The following DCC variants were observed in gnomAD, a reference collection of about 807,000 sequenced individuals.
The protein encoded by DCC is DCC netrin 1 receptor, also known as netrin receptor DCC.
A neutral mutation model predicts 172.5 loss-of-function variants in DCC; 58 were observed. That is an observed-to-expected ratio of 0.34 (90% confidence interval 0.27 to 0.42). The LOEUF (loss-of-function observed/expected upper bound fraction) is 0.42, where lower values mean the gene tolerates loss of function less well. Among genes scored for constraint, DCC ranks in the 10% least tolerant of loss-of-function variants. The pLI is 1.00. For synonymous variants in DCC, 709 were observed against 644.5 expected (o/e 1.10, Z -1.52); for missense variants, 1,740 against 1,791.0 (o/e 0.97, Z 0.51).
intron 10 of DCC, among the ~76,000 whole-genome samples, chr18:53,206,383 A>G (rs1363806808): frequency 6.3e-5 from 3 of 47,670 alleles, no homozygotes; most frequent in Non-Finnish European, 1.6e-4. Flanking sequence ...ACATATATGT[A>G]TATATGTATA....
intron 1 of DCC, among the ~76,000 whole-genome samples, chr18:52,599,129 G>T (rs1415182480): frequency 2.0e-5 from 3 of 152,140 alleles, no homozygotes; most frequent in Non-Finnish European, 2.9e-5. Flanking sequence ...GGTGATTAGG[G>T]CATTAGAGGA....
chr18:52,564,676 G>C lies in DCC; in HGVS notation c.92-187378G>C, dbSNP rs968054422. ...TCTTTTATTATAATATTGGGGGGGG[G>C]GGTGTTAAAATGCCTCTTTCAGCAC... On this transcript the variant is annotated intron_variant, in intron 1 of 28. Transcript: ENST00000442544. 7.9e-5 allele frequency among the ~76,000 whole-genome samples: 11 copies of C among 139,956 alleles called. No homozygotes were observed. In the South Asian group the frequency reaches 1.7e-3, roughly 21 times the overall value. The allele number at this position is 139,956 out of a possible 152,430, so 91.8% of individuals were successfully genotyped here.
intron 18 of DCC, among the ~76,000 whole-genome samples, chr18:53,402,389 C>CAA (rs201731473): frequency 8.3e-5 from 11 of 133,160 alleles, no homozygotes; most frequent in Non-Finnish European, 1.5e-4. Context: ...GACCCTGTCT[C>CAA]AAAAAAAAAA....
chr18:52,679,933 C>T (rs1429897588), intron 1 of DCC, among the ~76,000 whole-genome samples: 1 of 151,982 alleles, frequency 6.6e-6, no homozygotes, highest in Admixed American at 6.6e-5. Flanking sequence ...ATAAACAATG[C>T]TGTAACTAGA....
chr18:52,616,067 C>G (rs77757387), intron 1 of DCC, among the ~76,000 whole-genome samples: 4,117 of 152,228 alleles, frequency 0.027, 74 homozygotes, highest in Middle Eastern at 0.044. Flanking sequence ...ATTACTAGCA[C>G]CTTACATTGT....
chr18:52,970,991 C>T (rs574988303), intron 5 of DCC, among the ~76,000 whole-genome samples: 1 of 152,098 alleles, frequency 6.6e-6, no homozygotes, highest in Non-Finnish European at 1.5e-5. Flanking sequence ...AAGAGAGGGT[C>T]ATAATTATTA....
At position 52,426,241 on chromosome 18, in the gene DCC, A is replaced by C. The variant is rs1987421367; in HGVS notation, c.91+85363A>C. ...TCTCCACGGCAATGAGAACATAATGAAGGTGGCTGATTGTGCATGAATCAT... is the reference window on the plus strand; with the variant it reads ...TCTCCACGGCAATGAGAACATAATGCAGGTGGCTGATTGTGCATGAATCAT... On this transcript the variant is annotated intron_variant, in intron 1 of 28. Coordinates refer to ENST00000442544, the MANE Select transcript of DCC (RefSeq NM_005215.4). 2.0e-5 allele frequency among the ~76,000 whole-genome samples: 3 copies of C among 151,940 alleles called. No homozygotes were observed. In the South Asian group the frequency reaches 6.2e-4, roughly 32 times the overall value.
intron 22 of DCC, among the ~76,000 whole-genome samples, chr18:53,447,923 T>G (rs1190071796): frequency 3.9e-5 from 6 of 152,186 alleles, no homozygotes. Flanking sequence ...CATAATTTTT[T>G]AACAGAAAGT....
At chr18:52,708,658 A>G (rs973072556) in intron 1 of DCC, among the ~76,000 whole-genome samples, 4 of 152,154 alleles carry the variant, frequency 2.6e-5, no homozygotes, top group African/African-American at 9.7e-5. Flanking sequence ...AGTCTCAGCC[A>G]TGAATAGTCT....
intron 5 of DCC, among the ~76,000 whole-genome samples, chr18:52,992,445 A>T (rs1466661576): frequency 1.3e-5 from 2 of 152,096 alleles, no homozygotes; most frequent in African/African-American, 2.4e-5. Flanking sequence ...TATGCATATG[A>T]TGGGATATTT....
rs183687861 is a variant in DCC at position 52,608,446 on chromosome 18, C to T, written c.92-143608C>T. On this transcript the variant is annotated intron_variant, in intron 1 of 28. Coordinates refer to ENST00000442544, the MANE Select transcript of DCC (RefSeq NM_005215.4). The stretch of plus-strand genomic sequence containing the variant: ...GGACAGAGAAGTGTTCTGGAGAAGA[C>T]GCTCTCTGAACCAATTCCTAAAGAA... Among the ~76,000 whole-genome samples the T allele has an allele frequency of 2.8e-3, 429 of 152,246 alleles. 4 individuals carry two copies. Among genetic ancestry groups the T allele is most frequent in the South Asian group, 0.02 (95 of 4,822 alleles).
chr18:52,596,155 T>A (rs1200563332), intron 1 of DCC, among the ~76,000 whole-genome samples: 2 of 152,198 alleles, frequency 1.3e-5, no homozygotes, highest in Admixed American at 6.5e-5. Flanking sequence ...TTCACTTCAT[T>A]TATTTATAGT....
chr18:52,606,214 G>T (rs2034127415), intron 1 of DCC, among the ~76,000 whole-genome samples: 1 of 151,960 alleles, frequency 6.6e-6, no homozygotes, highest in Non-Finnish European at 1.5e-5. Context: ...GCATTTTGGT[G>T]AACACAAAGC....
chr18:53,488,440 A>G (rs1312220527), intron 26 of DCC, among the ~76,000 whole-genome samples: 1 of 152,180 alleles, frequency 6.6e-6, no homozygotes, highest in Non-Finnish European at 1.5e-5. Context: ...TGACTGGTAC[A>G]AGCCAAAATT....
intron 1 of DCC, among the ~76,000 whole-genome samples, chr18:52,533,153 G>T (rs1020554299): frequency 6.6e-6 from 1 of 152,046 alleles, no homozygotes; most frequent in Non-Finnish European, 1.5e-5. Context: ...TCCCCCAATG[G>T]TATCATCTTA....
chr18:53,364,529 A>G (rs2057981082), intron 15 of DCC, among the ~76,000 whole-genome samples: 1 of 152,112 alleles, frequency 6.6e-6, no homozygotes, highest in Non-Finnish European at 1.5e-5. Flanking sequence ...ATAGTACAAA[A>G]TGCAAAATGA....
At chr18:53,344,095 T>C (rs1224016543) in intron 15 of DCC, among the ~76,000 whole-genome samples, 2 of 152,066 alleles carry the variant, frequency 1.3e-5, no homozygotes, top group Admixed American at 6.6e-5. Context: ...TACTAACTTT[T>C]CTATTATCTA....
At chr18:52,545,595 T>C (rs2032588999) in intron 1 of DCC, among the ~76,000 whole-genome samples, 1 of 152,212 alleles carries the variant, frequency 6.6e-6, no homozygotes, top group African/African-American at 2.4e-5. Context: ...ATAGTTCCCT[T>C]GTACCCGGAT....
At position 52,655,814 on chromosome 18, in the gene DCC, T is replaced by A. The variant is rs1322062811; in HGVS notation, c.92-96240T>A. Among the ~76,000 whole-genome samples, 3 of 151,852 alleles carry A rather than the reference T, an allele frequency of 2.0e-5. No individual in the cohort carries two copies. In the East Asian group the frequency reaches 5.8e-4, roughly 29 times the overall value. On this transcript the variant is annotated intron_variant, in intron 1 of 28. Coordinates refer to ENST00000442544, the MANE Select transcript of DCC (RefSeq NM_005215.4). ...ACAAACAAACAAGACACAAATTTCT[T>A]CAAGAGGTTACCATAATGTGCTTTT...
Sources: allele counts gnomAD v4.1 joint callset (sites outside exome capture counted in the v4.1 genomes callset), GRCh38; gene constraint gnomAD v4.1.1; transcripts MANE v1.5; gene names NCBI Gene and HGNC (gene_info 2026-07-23, HGNC 2026-07-21).